The following MGAT4C variants were observed in gnomAD, a reference collection of about 807,000 sequenced individuals.
MGAT4C encodes the protein alpha-1,3-mannosyl-glycoprotein 4-beta-N-acetylglucosaminyltransferase C.
In MGAT4C, 19 loss-of-function variants were observed where a neutral mutation model predicts 40.1. The ratio of observed to expected loss-of-function variants is 0.47; its 90% confidence interval spans 0.33 to 0.70. The LOEUF is 0.70. MGAT4C is among the 30% of genes least tolerant of loss of function. MGAT4C has a pLI of 0.02. For synonymous variants in MGAT4C, 181 were observed against 187.1 expected (o/e 0.97, Z 0.27); for missense variants, 491 against 563.2 (o/e 0.87, Z 1.30).
At chr12:86,759,376 A>G (rs962063508) in intron 1 of MGAT4C, among the ~76,000 whole-genome samples, 6 of 152,046 alleles carry the variant, frequency 3.9e-5, no homozygotes, top group Admixed American at 3.9e-4. Context: ...CAACACACTG[A>G]TTTTATTTCC....
intron 2 of MGAT4C, among the ~76,000 whole-genome samples, chr12:86,566,748 C>CTGTGTG (rs59522675): frequency 7.6e-4 from 105 of 138,756 alleles, no homozygotes; most frequent in African/African-American, 2.4e-3. Context: ...TACAATGTAT[C>CTGTGTG]TGTGTGTGTG....
At chr12:86,240,589 TATGA>T (rs1319359788) in intron 1 of MGAT4C, among the ~76,000 whole-genome samples, 15 of 152,160 alleles carry the variant, frequency 9.9e-5, no homozygotes, top group African/African-American at 3.6e-4. Flanking sequence ...ATTCTGCTCT[TATGA>T]ATATTTTATG....
intron 1 of MGAT4C, among the ~76,000 whole-genome samples, chr12:86,225,465 A>G (rs1951039586): frequency 6.6e-6 from 1 of 152,104 alleles, no homozygotes; most frequent in African/African-American, 2.4e-5. Flanking sequence ...TCACCCCAAT[A>G]CTAACCATTA....
chr12:86,322,279 G>A (rs540368806), intron 4 of MGAT4C, among the ~76,000 whole-genome samples: 3 of 150,768 alleles, frequency 2.0e-5, no homozygotes, highest in East Asian at 2.0e-4. Context: ...TGTAAATGAC[G>A]AGTTAAGGGG....
chr12:86,099,281 A>T (rs1041274490), intron 1 of MGAT4C, among the ~76,000 whole-genome samples: 3 of 151,144 alleles, frequency 2.0e-5, no homozygotes, highest in African/African-American at 7.3e-5. Context: ...TTCATATAGA[A>T]CTTTCATCTT....
intron 3 of MGAT4C, among the ~76,000 whole-genome samples, chr12:86,352,587 G>A (rs1171920811): frequency 6.6e-6 from 1 of 151,836 alleles, no homozygotes; most frequent in Non-Finnish European, 1.5e-5. Context: ...TCCCTTTTAT[G>A]ACCACATAGG....
At chr12:86,180,858 A>G (rs1005101503) in intron 1 of MGAT4C, among the ~76,000 whole-genome samples, 12 of 152,140 alleles carry the variant, frequency 7.9e-5, no homozygotes, top group African/African-American at 2.9e-4. Flanking sequence ...TTAATGTTGA[A>G]ATGAGTTAAA....
intron 1 of MGAT4C, among the ~76,000 whole-genome samples, chr12:86,826,357 G>A (rs1210124047): frequency 6.6e-6 from 1 of 151,212 alleles, no homozygotes; most frequent in African/African-American, 2.4e-5. Flanking sequence ...TAGGAGACAG[G>A]GCAGGATTAG....
At position 85,975,120 on chromosome 12, in the gene MGAT4C, T is replaced by A. The variant is rs1447102319; in HGVS notation, c.*4169A>T. Reference sequence around the variant, plus strand: ...GAGAGCACTAGGGGCAATTTTGATATTTTTGATAAGGTTTCTAGAGTAATA... The same window carrying A: ...GAGAGCACTAGGGGCAATTTTGATAATTTTGATAAGGTTTCTAGAGTAATA... On this transcript the variant is annotated 3_prime_UTR_variant, in exon 5 of 5. Transcript: ENST00000611864. 1 of 150,918 alleles carries A rather than the reference T, an allele frequency of 6.6e-6. No homozygotes were observed. Among genetic ancestry groups the A allele is most frequent in the East Asian group, 1.9e-4 (1 of 5,178 alleles). 9.3% of individuals were successfully genotyped at this position (150,918 alleles called of 1,614,324 possible). A position where few individuals can be genotyped will look rare whatever the true frequency, so the allele number is the denominator to read the frequency against.
intron 2 of MGAT4C, among the ~76,000 whole-genome samples, chr12:86,473,749 C>T (rs1279927606): frequency 2.0e-5 from 3 of 152,040 alleles, no homozygotes; most frequent in African/African-American, 7.2e-5. Flanking sequence ...AATTTGCTTC[C>T]CTAAGATAGA....
At chr12:86,681,452 A>G (rs1342350220) in intron 2 of MGAT4C, among the ~76,000 whole-genome samples, 4 of 151,880 alleles carry the variant, frequency 2.6e-5, no homozygotes, top group African/African-American at 9.7e-5. Flanking sequence ...AATTAATCAG[A>G]TTTTCTTTTA....
rs533397825 is a variant in MGAT4C at position 86,033,143 on chromosome 12, C to A, written c.-7+16531G>T. Among the ~76,000 whole-genome samples the A allele has an allele frequency of 1.2e-4, 17 of 142,402 alleles. 3 individuals carry two copies. Among genetic ancestry groups the A allele is most frequent in the Non-Finnish European group, 2.5e-4 (16 of 63,392 alleles). 93.4% of individuals were successfully genotyped at this position (142,402 alleles called of 152,430 possible). A position where few individuals can be genotyped will look rare whatever the true frequency, so the allele number is the denominator to read the frequency against. On this transcript the variant is annotated intron_variant, in intron 2 of 4. Transcript: ENST00000611864. Reference sequence around the variant, plus strand: ...TCTATGTGTCTGTTTTGTAGCAGAACCATGCTGCTTTGGTTGCTCTATCCC... The same window carrying A: ...TCTATGTGTCTGTTTTGTAGCAGAAACATGCTGCTTTGGTTGCTCTATCCC...
At chr12:86,628,075 T>C (rs898072758) in intron 2 of MGAT4C, among the ~76,000 whole-genome samples, 1 of 152,140 alleles carries the variant, frequency 6.6e-6, no homozygotes, top group Admixed American at 6.6e-5. Context: ...CTGAAAACCA[T>C]GGCAGGAGAA....
At chr12:86,672,958 G>C (rs750498657) in intron 2 of MGAT4C, among the ~76,000 whole-genome samples, 1 of 151,876 alleles carries the variant, frequency 6.6e-6, no homozygotes, top group African/African-American at 2.4e-5. Flanking sequence ...GCAATCTTAG[G>C]TTCTTGGGGG....
At chr12:86,046,150 G>A (rs1438226893) in intron 2 of MGAT4C, among the ~76,000 whole-genome samples, 1 of 152,162 alleles carries the variant, frequency 6.6e-6, no homozygotes. Context: ...AAGATGTTGT[G>A]GAAGACTGAC....
chr12:86,418,711 T>C (rs1956767141), intron 3 of MGAT4C, among the ~76,000 whole-genome samples: 1 of 152,058 alleles, frequency 6.6e-6, no homozygotes, highest in South Asian at 2.1e-4. Context: ...TGCAAAGAAC[T>C]GAGCTCATCA....
At chr12:86,514,109 CA>C (rs797003008) in intron 2 of MGAT4C, among the ~76,000 whole-genome samples, 104 of 146,844 alleles carry the variant, frequency 7.1e-4, no homozygotes, top group Non-Finnish European at 1.2e-3. Flanking sequence ...CACACACACA[CA>C]ACCCCGGCTT....
At chr12:86,087,804 C>A (rs1459962462) in intron 1 of MGAT4C, among the ~76,000 whole-genome samples, 1 of 151,746 alleles carries the variant, frequency 6.6e-6, no homozygotes, top group Non-Finnish European at 1.5e-5. Context: ...ATAATACTGC[C>A]CAAAGCAATT....
intron 3 of MGAT4C, among the ~76,000 whole-genome samples, chr12:86,391,685 C>G (rs1413672766): frequency 6.6e-6 from 1 of 151,934 alleles, no homozygotes; most frequent in Non-Finnish European, 1.5e-5. Flanking sequence ...GGTGAAACCC[C>G]GTCTCTACTA....
Sources: allele counts gnomAD v4.1 joint callset (sites outside exome capture counted in the v4.1 genomes callset), GRCh38; gene constraint gnomAD v4.1.1; transcripts MANE v1.5; gene names NCBI Gene and HGNC (gene_info 2026-07-23, HGNC 2026-07-21).